CACNA1C: variants seen among roughly 807,000 people sequenced by gnomAD.
CACNA1C encodes voltage-dependent L-type calcium channel subunit alpha-1C.
Under a neutral mutation model 229.0 loss-of-function variants are expected in CACNA1C, and 30 were observed. The observed-to-expected ratio is 0.13, with a 90% CI of 0.10 to 0.18. CACNA1C has a LOEUF of 0.18. Ranked by LOEUF, CACNA1C falls within the 10% of genes least tolerant of loss-of-function variation. CACNA1C has a pLI of 1.00. For synonymous variants in CACNA1C, 1,114 were observed against 1,132.5 expected, an observed-to-expected ratio of 0.98 and a Z score of 0.33; for missense variants, 1,658 against 2,845.0, an observed-to-expected ratio of 0.58 and a Z score of 9.49.
At chr12:2,351,800 C>T (rs1183190103) in intron 3 of CACNA1C, among the ~76,000 whole-genome samples, 1 of 152,164 alleles carries the variant, frequency 6.6e-6, no homozygotes, top group Non-Finnish European at 1.5e-5. Context: ...TGGGCTGCCC[C>T]TTTCCCTACC....
chr12:2,424,493 A>G (rs1236759608), intron 3 of CACNA1C, among the ~76,000 whole-genome samples: 1 of 152,152 alleles, frequency 6.6e-6, no homozygotes, highest in Non-Finnish European at 1.5e-5. Flanking sequence ...TTGGCTAAAA[A>G]TATGTCAACT....
intron 3 of CACNA1C, among the ~76,000 whole-genome samples, chr12:2,313,613 T>C (rs943595600): frequency 3.3e-5 from 5 of 152,198 alleles, no homozygotes; most frequent in Admixed American, 6.5e-5. Context: ...AAACATTGAT[T>C]CAGAGATTGG....
intron 3 of CACNA1C, among the ~76,000 whole-genome samples, chr12:2,418,950 G>A (rs766888916): frequency 3.3e-5 from 5 of 152,150 alleles, no homozygotes; most frequent in African/African-American, 4.8e-5. Flanking sequence ...AGACCCCTAT[G>A]GAAACATACA....
intron 4 of CACNA1C, among the ~76,000 whole-genome samples, chr12:2,457,246 AG>A (rs2099435889): frequency 2.0e-5 from 3 of 152,186 alleles, no homozygotes; most frequent in Admixed American, 1.3e-4. Flanking sequence ...CAAGGAGATA[AG>A]GACTGGCAAC....
At chr12:2,255,612 G>C (rs1220039135) in intron 3 of CACNA1C, among the ~76,000 whole-genome samples, 4 of 152,240 alleles carry the variant, frequency 2.6e-5, no homozygotes, top group Non-Finnish European at 5.9e-5. Context: ...GTGTGTGACA[G>C]TAAGCTGGTG....
chr12:2,137,689 ACT>A (rs983781796), intron 3 of CACNA1C, among the ~76,000 whole-genome samples: 15 of 150,588 alleles, frequency 1.0e-4, no homozygotes, highest in African/African-American at 3.4e-4. Flanking sequence ...TAAAATACTT[ACT>A]GTTTTTTTTT....
At chr12:2,435,215 C>T (rs537020906) in intron 3 of CACNA1C, among the ~76,000 whole-genome samples, 1 of 152,358 alleles carries the variant, frequency 6.6e-6, no homozygotes, top group South Asian at 2.1e-4. Context: ...TCCCCTGCCA[C>T]CTTCAGGCCT....
intron 3 of CACNA1C, among the ~76,000 whole-genome samples, chr12:2,373,157 A>C (rs184270160): frequency 6.6e-6 from 1 of 152,262 alleles, no homozygotes; most frequent in African/African-American, 2.4e-5. Context: ...GATTTTCCCC[A>C]ACCCTTCATT....
At chr12:2,185,780 C>T (rs1039919118) in intron 3 of CACNA1C, among the ~76,000 whole-genome samples, 1 of 152,194 alleles carries the variant, frequency 6.6e-6, no homozygotes, top group Admixed American at 6.5e-5. Context: ...GCACTGCCTC[C>T]TGCCCTGTCT....
At chr12:2,394,795 G>A (rs2098543441) in intron 3 of CACNA1C, among the ~76,000 whole-genome samples, 1 of 152,148 alleles carries the variant, frequency 6.6e-6, no homozygotes, top group Non-Finnish European at 1.5e-5. Flanking sequence ...ACAAGAAGTA[G>A]TACCAACCCA....
At chr12:2,028,119 C>T (rs1368784238) in intron 1 of CACNA1C, among the ~76,000 whole-genome samples, 1 of 152,174 alleles carries the variant, frequency 6.6e-6, no homozygotes, top group Admixed American at 6.5e-5. Flanking sequence ...TTAAAGAATG[C>T]CTAAGGATGC....
At chr12:2,297,340 C>T (rs2094138713) in intron 3 of CACNA1C, among the ~76,000 whole-genome samples, 2 of 152,168 alleles carry the variant, frequency 1.3e-5, no homozygotes, top group African/African-American at 4.8e-5. Flanking sequence ...AGAAATCCTG[C>T]CTGCAACAGG....
intron 3 of CACNA1C, among the ~76,000 whole-genome samples, chr12:2,270,819 G>C (rs953590255): frequency 1.3e-5 from 2 of 152,184 alleles, no homozygotes; most frequent in African/African-American, 4.8e-5. Context: ...TACTCCACCT[G>C]CGGGGAGAGC....
rs747512758 is a variant in CACNA1C, at chr12:2,504,439, C to G, written c.1114-403C>G. On this transcript the variant is annotated intron_variant, in intron 7 of 46. Coordinates refer to ENST00000399655, the MANE Select transcript of CACNA1C (RefSeq NM_000719.7). This position sits in a 1 kb window ranked among gnomAD's most constrained non-coding sequence, Gnocchi z 6.8. Reference sequence around the variant, plus strand: ...TAACTTTCCTTCGTCTTTCCAGATGCAGGACGCTATGGGCTATGAGTTACC... The same window carrying G: ...TAACTTTCCTTCGTCTTTCCAGATGGAGGACGCTATGGGCTATGAGTTACC... 6.3e-7 allele frequency: 1 copy of G among 1,576,508 alleles called. No individual in the cohort carries two copies. The highest frequency in any genetic ancestry group is 8.7e-7 in the Non-Finnish European group (1 of 1,146,374).
rs1355925648 is a variant in CACNA1C at position 2,438,316 on chromosome 12, G to GGTT, written c.478-10658_478-10657insTGT. ...TGGTGGTGGTGGTGGTGGTGGTTGT[G>GGTT]GTGATGGTGGGGATGGTGATGATAA... On this transcript the variant is annotated intron_variant, in intron 3 of 46. Coordinates refer to ENST00000399655, the MANE Select transcript of CACNA1C (RefSeq NM_000719.7). Among the ~76,000 whole-genome samples the GGTT allele has an allele frequency of 6.1e-5, 9 of 148,320 alleles. 1 individual carries two copies. Among genetic ancestry groups the GGTT allele is most frequent in the Admixed American group, 2.7e-4 (4 of 14,870 alleles).
At chr12:2,631,293 G>A (rs931856989) in intron 29 of CACNA1C, among the ~76,000 whole-genome samples, 6 of 152,026 alleles carry the variant, frequency 3.9e-5, no homozygotes, top group South Asian at 2.1e-4. Context: ...CTCCCACACC[G>A]AAATAATGTT....
intron 3 of CACNA1C, among the ~76,000 whole-genome samples, chr12:2,398,238 C>T (rs1228488376): frequency 1.3e-5 from 2 of 152,260 alleles, no homozygotes; most frequent in South Asian, 2.1e-4. Flanking sequence ...GCCTCTTCCA[C>T]ATACGTGCCC....
Position 2,651,642 on chromosome 12 carries a change from C to T in CACNA1C, c.3948C>T (p.Asn1316=), listed in dbSNP as rs150092451. The T allele has an allele frequency of 3.8e-4, 610 of 1,613,902 alleles. 8 individuals carry two copies. In the South Asian group the frequency reaches 6.2e-3, roughly 16 times the overall value. ...CTCCTGTTGCCGACGGGTTCCAGAA[C>T]GCAGAGGAAAACTCCCGCATCTCCA... ...AEHTQCSPSM[N]AEENSRISIT... Residue 1316 remains asparagine (N), a splice_region_variant and synonymous_variant, in exon 32 of 47, where the codon AAC becomes AAT. Coordinates refer to ENST00000399655, the MANE Select transcript of CACNA1C (RefSeq NM_000719.7). This position sits in a 1 kb window ranked among gnomAD's most constrained non-coding sequence, Gnocchi z 5.4.
At position 2,639,852 on chromosome 12, in the gene CACNA1C, C is replaced by T. The variant is rs1271164794; in HGVS notation, c.3912+5472C>T. On this transcript the variant is annotated intron_variant, in intron 30 of 46. Coordinates refer to ENST00000399655, the MANE Select transcript of CACNA1C (RefSeq NM_000719.7). This position sits in a 1 kb window ranked among gnomAD's most constrained non-coding sequence, Gnocchi z 4.2. ...ACAGGCTCCCTTGGCTTTGGTGGAG[C>T]TCACCTGGAGATTCTCCAGAGAAAA... Among the ~76,000 whole-genome samples, 1 of 152,088 alleles carries T rather than the reference C, an allele frequency of 6.6e-6. No homozygotes were observed. Among genetic ancestry groups the T allele is most frequent in the Admixed American group, 6.5e-5 (1 of 15,272 alleles).
Sources: gnomAD v4.1 joint callset for allele counts (sites outside exome capture counted in the v4.1 genomes callset) on GRCh38, gnomAD v4.1.1 for gene constraint, Gnocchi (gnomAD v3.1) non-coding constraint, MANE v1.5 for transcripts, NCBI Gene and HGNC (gene_info 2026-07-23, HGNC 2026-07-21) for gene names.